The following GTF2A1 variants were observed in gnomAD, a reference collection of about 807,000 sequenced individuals.
GTF2A1 encodes transcription initiation factor IIA subunit 1.
In GTF2A1, 12 loss-of-function variants were observed where a neutral mutation model predicts 54.1. The ratio of observed to expected loss-of-function variants is 0.22; its 90% CI spans 0.14 to 0.36. The LOEUF (loss-of-function observed/expected upper bound fraction) is 0.36, where lower values mean the gene tolerates loss of function less well. GTF2A1 is among the 10% of genes least tolerant of loss of function. The pLI, the probability that GTF2A1 is intolerant of heterozygous loss-of-function variation, is 1.00. For synonymous variants in GTF2A1, 145 were observed against 152.0 expected (o/e 0.95, Z 0.34); for missense variants, 335 against 442.2 (o/e 0.76, Z 2.17).
At chr14:81,190,268 G>GA (rs60741593) in intron 7 of GTF2A1, among the ~76,000 whole-genome samples, 157 of 135,282 alleles carry the variant, frequency 1.2e-3, no homozygotes, top group Admixed American at 3.5e-3. Context: ...TACAATCTTT[G>GA]AAAAAAAAAA....
chr14:81,195,306 T>C (rs145604692), intron 6 of GTF2A1, among the ~76,000 whole-genome samples: 97 of 150,194 alleles, frequency 6.5e-4, no homozygotes, highest in African/African-American at 2.2e-3. Flanking sequence ...TCAAACATAT[T>C]AAGGGACTGC....
At position 81,197,430 on chromosome 14, in the gene GTF2A1, G is replaced by C; in HGVS notation, c.457C>G (p.Gln153Glu). Residue 153 changes from glutamine (Q) to glutamate (E), a missense_variant, in exon 5 of 9, where the codon CAG (glutamine) becomes GAG (glutamate). By Grantham distance (29) the Gln-to-Glu change is conservative. Coordinates refer to ENST00000553612, the MANE Select transcript of GTF2A1 (RefSeq NM_015859.4). The part of the protein sequence containing the change: ...LALPAGVTPV[Q>E]QILTNSGQLL... ...TTACCTGAATTTGTTAATATCTGCT[G>C]AACAGGAGTCACACCTGCAGGGAGT... 6.4e-7 allele frequency: 1 copy of C among 1,571,822 alleles called. No homozygotes were observed. The highest frequency in any genetic ancestry group is 8.7e-7 in the Non-Finnish European group (1 of 1,146,538).
intron 1 of GTF2A1, among the ~76,000 whole-genome samples, chr14:81,217,141 T>C (rs771201318): frequency 1.3e-5 from 2 of 152,214 alleles, no homozygotes; most frequent in South Asian, 2.1e-4. Flanking sequence ...TGAAACATTA[T>C]AATGAACATG....
In GTF2A1 at chr14:81,176,235, T is replaced by C. The variant is rs569466749; in HGVS notation, c.*3988A>G. 2.6e-4 allele frequency: 39 copies of C among 152,288 alleles called. No homozygotes were observed. The highest frequency in any genetic ancestry group is 9.1e-4 in the African/African-American group (38 of 41,578). 9.4% of individuals were successfully genotyped at this position (152,288 alleles called of 1,614,324 possible). Reference sequence around the variant, plus strand: ...TACATCAAAATACTAAGTTCTCTAATTGTATTCCAAGATGGTCTTTAAAAC... The same window carrying C: ...TACATCAAAATACTAAGTTCTCTAACTGTATTCCAAGATGGTCTTTAAAAC... On this transcript the variant is annotated 3_prime_UTR_variant, in exon 9 of 9. Transcript: ENST00000553612.
intron 3 of GTF2A1, chr14:81,202,886 G>A (rs1468683361): frequency 4.6e-6 from 2 of 438,184 alleles, no homozygotes; most frequent in East Asian, 1.3e-4. Flanking sequence ...ATTAAAATTA[G>A]GTATGAAAAG....
intron 4 of GTF2A1, 86 bp downstream of exon 4, chr14:81,201,508 A>T (rs8019633): frequency 0.98 from 701,277 of 714,888 alleles, 344,572 homozygotes; most frequent in Non-Finnish European, 1. Context: ...AACTTCAAGT[A>T]GTTAATATAG....
chr14:81,182,233 G>A (rs1892654807), intron 8 of GTF2A1, among the ~76,000 whole-genome samples: 1 of 152,100 alleles, frequency 6.6e-6, no homozygotes, highest in Non-Finnish European at 1.5e-5. Context: ...CAGCAGGTAG[G>A]GTAAAGACTG....
Position 81,192,567 on chromosome 14 carries a change from C to CTCA in GTF2A1, c.882_884dup (p.Asp294dup). ...CTCCATCTTTCTCTTTGTCTTCCTC[C>CTCA]TCATCATCATCATAGTCTTCTTCTT... On this transcript the variant is annotated inframe_insertion, in exon 7 of 9. Coordinates refer to ENST00000553612, the MANE Select transcript of GTF2A1 (RefSeq NM_015859.4). The CTCA allele has an allele frequency of 6.2e-7, 1 of 1,613,294 alleles. No individual in the cohort carries two copies. The highest frequency in any genetic ancestry group is 8.5e-7 in the Non-Finnish European group (1 of 1,179,338).
chr14:81,198,085 T>C (rs1046964669), intron 4 of GTF2A1, among the ~76,000 whole-genome samples: 1 of 152,304 alleles, frequency 6.6e-6, no homozygotes, highest in African/African-American at 2.4e-5. Context: ...AAAAGGGACA[T>C]ACTGGCATTA....
Position 81,183,901 on chromosome 14 carries a change from C to T in GTF2A1, c.1023+1630G>A, listed in dbSNP as rs75641338. ...AAATTCAAGTTGGCTCAAACAATAT[C>T]CAACCTCATTTTGCGCAGTCAAAGA... On this transcript the variant is annotated intron_variant, in intron 8 of 8. Transcript: ENST00000553612. Among the ~76,000 whole-genome samples, 463 of 152,268 alleles carry T rather than the reference C, an allele frequency of 3.0e-3. 2 individuals are homozygous for T. The highest frequency in any genetic ancestry group is 0.011 in the African/African-American group (437 of 41,552).
chr14:81,185,110 C>A (rs1892715428), intron 8 of GTF2A1, among the ~76,000 whole-genome samples: 1 of 150,622 alleles, frequency 6.6e-6, no homozygotes, highest in African/African-American at 2.4e-5. Context: ...CTGTTCATTG[C>A]CTTAGTCTTT....
In GTF2A1 at chr14:81,176,481, T is replaced by C. The variant is rs1400391104; in HGVS notation, c.*3742A>G. The C allele has an allele frequency of 6.6e-6, 1 of 152,118 alleles. No individual in the cohort carries two copies. The highest frequency in any genetic ancestry group is 1.5e-5 in the Non-Finnish European group (1 of 67,986). The allele number at this position is 152,118 out of a possible 1,614,324, so 9.4% of individuals were successfully genotyped here. A position where few individuals can be genotyped will look rare whatever the true frequency, so the allele number is the denominator to read the frequency against. ...ACTGAAAGAGTAGTTACTAACTCAATGTGTAGTAACTTCCCTTAAAAGAGA... is the reference window on the plus strand; with the variant it reads ...ACTGAAAGAGTAGTTACTAACTCAACGTGTAGTAACTTCCCTTAAAAGAGA... On this transcript the variant is annotated 3_prime_UTR_variant, in exon 9 of 9. Coordinates refer to ENST00000553612, the MANE Select transcript of GTF2A1 (RefSeq NM_015859.4).
chr14:81,192,931 A>C, intron 6 of GTF2A1, 92 bp from the exon 7 acceptor site: 1 of 760,782 alleles, frequency 1.3e-6, no homozygotes, highest in Non-Finnish European at 2.2e-6. Flanking sequence ...ATTCACCAGA[A>C]TGGCCATATT....
intron 2 of GTF2A1, among the ~76,000 whole-genome samples, chr14:81,211,875 T>TTATATA (rs757044041): frequency 0.023 from 1,551 of 68,246 alleles, 45 homozygotes; most frequent in African/African-American, 0.028. Flanking sequence ...ATCAAGTACT[T>TTATATA]TATATATATA....
intron 2 of GTF2A1, among the ~76,000 whole-genome samples, chr14:81,215,923 G>T (rs1025576902): frequency 2.6e-5 from 4 of 152,106 alleles, no homozygotes; most frequent in African/African-American, 9.7e-5. Flanking sequence ...TAGTCCCAGG[G>T]GTGGGAGGAT....
In GTF2A1 at chr14:81,214,635, A is replaced by G. The variant is rs577554748; in HGVS notation, c.132+1778T>C. ...CACTCCAGCCTGGGTGACAGAGCGA[A>G]ACTCCGTCTCAAAAAAAAAAAAAAA... is the stretch of plus-strand genomic sequence containing the variant. On this transcript the variant is annotated intron_variant, in intron 2 of 8. Transcript: ENST00000553612. Among the ~76,000 whole-genome samples, 644 of 151,542 alleles carry G rather than the reference A, an allele frequency of 4.2e-3. 1 individual carries two copies. The highest frequency in any genetic ancestry group is 0.015 in the African/African-American group (611 of 41,240).
chr14:81,204,710 T>G (rs1595223483), intron 2 of GTF2A1, among the ~76,000 whole-genome samples: 1 of 152,344 alleles, frequency 6.6e-6, no homozygotes, highest in African/African-American at 2.4e-5. Context: ...TGAAATGTCC[T>G]TCCTTCTTCC....
Position 81,185,611 on chromosome 14 carries a change from T to C in GTF2A1, c.943A>G (p.Asn315Asp). 6.4e-7 allele frequency: 1 copy of C among 1,571,886 alleles called. No homozygotes were observed. The highest frequency in any genetic ancestry group is 8.8e-7 in the Non-Finnish European group (1 of 1,142,384). ...TCATCACTCACATCATCTTCACTATTGAGGGGCTCCTACAAATAAAAGGAG... is the reference window on the plus strand; with the variant it reads ...TCATCACTCACATCATCTTCACTATCGAGGGGCTCCTACAAATAAAAGGAG... ...EDGQVEEEPL[N>D]SEDDVSDEEG... The change falls in exon 8 of 9, where the codon AAT (asparagine) becomes GAT (aspartate). Residue 315 changes from asparagine (N) to aspartate (D), a missense_variant. Asn to Asp is a conservative substitution (Grantham distance 23, BLOSUM62 1). Around this residue, in one of 2 missense-constraint regions of GTF2A1, gnomAD observed 29 missense variants for 81.7 expected, o/e 0.35. Transcript: ENST00000553612.
At chr14:81,202,623 G>A in intron 3 of GTF2A1, 1 of 511,290 alleles carries the variant, frequency 2.0e-6, no homozygotes, top group Non-Finnish European at 3.9e-6. Flanking sequence ...CCTGAAGAGT[G>A]GTAAACCGGC....
Sources: gnomAD v4.1 joint callset for allele counts (sites outside exome capture counted in the v4.1 genomes callset) on GRCh38, gnomAD v4.1.1 for gene constraint, gnomAD v4.1.1 regional missense constraint, MANE v1.5 for transcripts, NCBI Gene and HGNC (gene_info 2026-07-23, HGNC 2026-07-21) for gene names.